Variants in HEATR6 observed in about 807,000 individuals in gnomAD.
HEATR6 encodes HEAT repeat-containing protein 6.
In HEATR6, 106 loss-of-function variants were observed where a neutral mutation model predicts 132.8. That is an observed-to-expected ratio of 0.80 (90% CI 0.68 to 0.94). HEATR6 has a LOEUF of 0.94. Among genes scored for constraint, HEATR6 ranks in the 40% least tolerant of loss-of-function variants. The pLI, the probability that HEATR6 is intolerant of heterozygous loss-of-function variation, is 0.00. For synonymous variants in HEATR6, 529 were observed against 537.8 expected, an observed-to-expected ratio of 0.98 and a Z score of 0.23; for missense variants, 1,339 against 1,425.1, an observed-to-expected ratio of 0.94 and a Z score of 0.97.
chr17:60,076,290 C>A, intron 1 of HEATR6, 53 bp from the exon 2 acceptor site: 1 of 898,570 alleles, frequency 1.1e-6, no homozygotes, highest in Non-Finnish European at 1.7e-6. Flanking sequence ...AAGTGAAGAT[C>A]CTCAAAACAC....
At chr17:60,069,933 A>G (rs1179982146) in intron 6 of HEATR6, 85 bp from the exon 7 acceptor site, 2 of 1,491,964 alleles carry the variant, frequency 1.3e-6, no homozygotes, top group East Asian at 2.3e-5. Context: ...AAATAGAACT[A>G]TTTACCATGT....
Position 60,043,734 on chromosome 17 carries a change from T to C in HEATR6, c.3375A>G (p.Pro1125=). 1 of 1,614,200 alleles carries C rather than the reference T, an allele frequency of 6.2e-7. No individual in the cohort carries two copies. The highest frequency in any genetic ancestry group is 8.5e-7 in the Non-Finnish European group (1 of 1,180,022). ...EGDDTGAPHS[P]QERDQMVRMA... ...TTCTGACCATCTGGTCTCTTTCCTGTGGGCTGTGGGGTGCTCCAGTGTCAT... is the reference window on the plus strand; with the variant it reads ...TTCTGACCATCTGGTCTCTTTCCTGCGGGCTGTGGGGTGCTCCAGTGTCAT... Residue 1125 remains proline, a synonymous_variant, in exon 20 of 20, where the codon CCA becomes CCG. Transcript: ENST00000184956.
intron 9 of HEATR6, among the ~76,000 whole-genome samples, chr17:60,062,524 AT>A (rs2083217589): frequency 6.6e-6 from 1 of 152,124 alleles, no homozygotes; most frequent in Admixed American, 6.5e-5. Context: ...GTCAATCCTA[AT>A]TTTTTTCCTC....
At chr17:60,049,018 ATG>A (rs1906487761) in intron 16 of HEATR6, among the ~76,000 whole-genome samples, 2 of 125,370 alleles carry the variant, frequency 1.6e-5, no homozygotes, top group African/African-American at 2.9e-5. Flanking sequence ...ATATATATAT[ATG>A]GTAATGCCTT....
chr17:60,053,593 T>C (rs1045950749), intron 14 of HEATR6, among the ~76,000 whole-genome samples: 1 of 152,150 alleles, frequency 6.6e-6, no homozygotes, highest in Non-Finnish European at 1.5e-5. Flanking sequence ...GAAATGCTGA[T>C]AGAAATATGG....
At chr17:60,076,492 G>C (rs2083297656) in intron 1 of HEATR6, 4 of 384,116 alleles carry the variant, frequency 1.0e-5, no homozygotes, top group Non-Finnish European at 1.9e-5. Flanking sequence ...CTTGAGCCCA[G>C]GAGTCCAAGA....
rs1371744008 is a variant in HEATR6, at chr17:60,042,290, G to T, written c.*1273C>A. On this transcript the variant is annotated 3_prime_UTR_variant, in exon 20 of 20. Transcript: ENST00000184956. ...AGGTGTGGCAGGGAAGGTGGTCAGG[G>T]GAACACGGGCACTCCAGAAGCTCGG... Among the ~76,000 whole-genome samples, 1 of 152,224 alleles carries T rather than the reference G, an allele frequency of 6.6e-6. No homozygotes were observed. The highest frequency in any genetic ancestry group is 1.5e-5 in the Non-Finnish European group (1 of 68,040).
intron 17 of HEATR6, among the ~76,000 whole-genome samples, chr17:60,047,930 T>G (rs1906427207): frequency 6.6e-6 from 1 of 152,222 alleles, no homozygotes; most frequent in Admixed American, 6.5e-5. Context: ...TTTTAGCCTG[T>G]GAATATACTA....
intron 9 of HEATR6, 114 bp downstream of exon 9, chr17:60,066,095 G>T: frequency 1.2e-6 from 1 of 853,530 alleles, no homozygotes; most frequent in Non-Finnish European, 1.9e-6. Flanking sequence ...GTCGGAACTT[G>T]GGTCAGTGTT....
In HEATR6 at chr17:60,066,405, A is replaced by G; in HGVS notation, c.1239-19T>C. ...GTAAGACCTTTCATAACCAAGAGAA[A>G]AAAGAAAAAACACTTAAAAAATCAT... On this transcript the variant is annotated intron_variant, in intron 8 of 19. Transcript: ENST00000184956. 1 of 1,536,526 alleles carries G rather than the reference A, an allele frequency of 6.5e-7. No individual in the cohort carries two copies. The highest frequency in any genetic ancestry group is 1.2e-5 in the South Asian group (1 of 80,306).
At chr17:60,054,127 C>A (rs1025261340) in intron 14 of HEATR6, among the ~76,000 whole-genome samples, 1 of 152,252 alleles carries the variant, frequency 6.6e-6, no homozygotes, top group African/African-American at 2.4e-5. Flanking sequence ...CACTTCCCTG[C>A]ACAGCCTTGG....
In HEATR6 at chr17:60,069,926, T is replaced by C. The variant is rs546573195; in HGVS notation, c.802-78A>G. The C allele has an allele frequency of 1.5e-5, 23 of 1,525,340 alleles. No individual in the cohort carries two copies. The Middle Eastern group carries it at 8.1e-4, about 54-fold the overall frequency. 94.5% of individuals were successfully genotyped at this position (1,525,340 alleles called of 1,614,324 possible). On this transcript the variant is annotated intron_variant, in intron 6 of 19. Coordinates refer to ENST00000184956, the MANE Select transcript of HEATR6 (RefSeq NM_022070.5). ...TAATCATAAACCATTAATCATAAAA[T>C]AGAACTATTTACCATGTCTGGATCA...
At chr17:60,059,645 T>A (rs577183986) in intron 10 of HEATR6, 124 bp from the exon 11 acceptor site, 39 of 680,686 alleles carry the variant, frequency 5.7e-5, no homozygotes, top group African/African-American at 3.3e-4. Flanking sequence ...CCCTTTTTTT[T>A]AATAACACTT....
chr17:60,073,875 A>T lies in HEATR6; in HGVS notation c.339T>A (p.Asp113Glu), dbSNP rs890154158. 1.2e-6 allele frequency: 2 copies of T among 1,613,286 alleles called. No homozygotes were observed. Among genetic ancestry groups the T allele is most frequent in the African/African-American group, 2.7e-5 (2 of 74,910 alleles). ...CCAACAGGAAATCCAAGTGCTGTTC[A>T]TCAACAATTACCTAACAGGACAGGA... ...HLLNRLQVIVDEQHLDFLLAY... is the reference protein window; with the variant it reads ...HLLNRLQVIVEEQHLDFLLAY... The change falls in exon 3 of 20, where the codon GAT (aspartate) becomes GAA (glutamate). Residue 113 changes from aspartate to glutamate, a missense_variant. Coordinates refer to ENST00000184956, the MANE Select transcript of HEATR6 (RefSeq NM_022070.5).
rs548444907 is a variant in HEATR6 at position 60,076,497 on chromosome 17, C to T, written c.220-260G>A. ...GGGAGGACTGCTTGAGCCCAGGAGTCCAAGACCAGCTTGGGCAACATAGTG... is the reference window on the plus strand; with the variant it reads ...GGGAGGACTGCTTGAGCCCAGGAGTTCAAGACCAGCTTGGGCAACATAGTG... On this transcript the variant is annotated intron_variant, in intron 1 of 19. Transcript: ENST00000184956. 1.4e-5 allele frequency: 5 copies of T among 364,012 alleles called. No individual in the cohort carries two copies. In the East Asian group the frequency reaches 2.6e-4, roughly 19 times the overall value. The allele number at this position is 364,012 out of a possible 1,614,324, so 22.5% of individuals were successfully genotyped here.
At position 60,066,268 on chromosome 17, in the gene HEATR6, G is replaced by A. The variant is rs984835836; in HGVS notation, c.1357C>T (p.Leu453Phe). 22 of 1,614,042 alleles carry A rather than the reference G, an allele frequency of 1.4e-5. No individual in the cohort carries two copies. Among genetic ancestry groups the A allele is most frequent in the Non-Finnish European group, 1.9e-5 (22 of 1,179,960 alleles). Reference protein sequence around the residue: ...WSAFIPDTPELGSPQSVSLMT... With the variant: ...WSAFIPDTPEFGSPQSVSLMT... ...AAGGACACTGACTGTGGGCTGCCAA[G>A]TTCAGGCGTATCAGGAATAAAAGCT... Residue 453 changes from leucine (L) to phenylalanine (F), a missense_variant, in exon 9 of 20, where the codon CTT becomes TTT. By Grantham distance (22) the Leu-to-Phe change is conservative. Coordinates refer to ENST00000184956, the MANE Select transcript of HEATR6 (RefSeq NM_022070.5).
Position 60,072,299 on chromosome 17 carries a change from G to A in HEATR6, c.615C>T (p.Pro205=), listed in dbSNP as rs769214093. 6.2e-7 allele frequency: 1 copy of A among 1,610,696 alleles called. No homozygotes were observed. The highest frequency in any genetic ancestry group is 8.5e-7 in the Non-Finnish European group (1 of 1,177,716). The change falls in exon 5 of 20, where the codon CCC becomes CCT. Residue 205 remains proline, a synonymous_variant. Coordinates refer to ENST00000184956, the MANE Select transcript of HEATR6 (RefSeq NM_022070.5). Reference sequence around the variant, plus strand: ...AAGCTTGGAAACAGACATTTTGGTAGGGCTCCTCCAAATACGGCTGTCCTG... The same window carrying A: ...AAGCTTGGAAACAGACATTTTGGTAAGGCTCCTCCAAATACGGCTGTCCTG... The part of the protein sequence containing the change: ...SVPGQPYLEE[P]YQNVCFQAFL...
At chr17:60,057,938 T>C (rs1394922027) in intron 11 of HEATR6, among the ~76,000 whole-genome samples, 1 of 152,206 alleles carries the variant, frequency 6.6e-6, no homozygotes, top group Non-Finnish European at 1.5e-5. Flanking sequence ...TGTGGGTCTA[T>C]TTCTGGGCTC....
chr17:60,073,958 T>C lies in HEATR6; in HGVS notation c.328-72A>G, dbSNP rs575000149. 1.8e-4 allele frequency: 275 copies of C among 1,540,218 alleles called. 1 individual carries two copies. The highest frequency in any genetic ancestry group is 1.3e-3 in the Admixed American group (68 of 51,158). ...ATTATGCTTTTATGGACATGTATGC[T>C]CACCTGAATCAAGCTGTATAAAAGA... is the stretch of plus-strand genomic sequence containing the variant. On this transcript the variant is annotated intron_variant, in intron 2 of 19. Coordinates refer to ENST00000184956, the MANE Select transcript of HEATR6 (RefSeq NM_022070.5).
Sources: gnomAD v4.1 joint callset for allele counts (sites outside exome capture counted in the v4.1 genomes callset) on GRCh38, gnomAD v4.1.1 for gene constraint, MANE v1.5 for transcripts, NCBI Gene and HGNC (gene_info 2026-07-23, HGNC 2026-07-21) for gene names.